RBM25: variants seen among roughly 807,000 people sequenced by gnomAD.
RBM25 encodes RNA-binding protein 25.
Under a neutral mutation model 120.7 loss-of-function variants are expected in RBM25, and 19 were observed. The observed-to-expected ratio is 0.16, with a 90% CI of 0.11 to 0.23. The LOEUF is 0.23. Ranked by LOEUF, RBM25 falls within the 10% of genes least tolerant of loss-of-function variation. The pLI, the probability that RBM25 is intolerant of heterozygous loss-of-function variation, is 1.00. For missense variants in RBM25, 605 were observed against 1,041.5 expected, an observed-to-expected ratio of 0.58 and a Z score of 5.77; for synonymous variants, 390 against 326.7, an observed-to-expected ratio of 1.19 and a Z score of -2.09.
At chr14:73,116,812 C>T (rs1347117484) in intron 18 of RBM25, among the ~76,000 whole-genome samples, 1 of 152,132 alleles carries the variant, frequency 6.6e-6, no homozygotes, top group Non-Finnish European at 1.5e-5. Flanking sequence ...ATTTAGACCA[C>T]TGTTTATGAT....
intron 2 of RBM25, among the ~76,000 whole-genome samples, chr14:73,074,357 C>G (rs1230766750): frequency 6.6e-6 from 1 of 152,076 alleles, no homozygotes; most frequent in East Asian, 1.9e-4. Context: ...GTAGCTGAGA[C>G]TATAGATGTG....
At chr14:73,068,126 G>A in intron 1 of RBM25, 1 of 766,460 alleles carries the variant, frequency 1.3e-6, no homozygotes, top group South Asian at 1.4e-5. Flanking sequence ...AGACAGAACT[G>A]GAAGGTTGGT....
rs181041963 is a variant in RBM25, at chr14:73,087,617, G to C, written c.383-384G>C. On this transcript the variant is annotated intron_variant, in intron 5 of 18. Transcript: ENST00000261973. Reference sequence around the variant, plus strand: ...TCACTGTGTTGGCCAGAATGGTCTCGATCTCCTGACCTCGTGATCCACCCG... The same window carrying C: ...TCACTGTGTTGGCCAGAATGGTCTCCATCTCCTGACCTCGTGATCCACCCG... 9.3e-4 allele frequency among the ~76,000 whole-genome samples: 140 copies of C among 150,506 alleles called. 1 individual carries two copies. The highest frequency in any genetic ancestry group is 1.1e-3 in the African/African-American group (43 of 40,946).
intron 2 of RBM25, among the ~76,000 whole-genome samples, chr14:73,074,991 CTT>C (rs34580918): frequency 1.7e-4 from 24 of 137,374 alleles, no homozygotes; most frequent in Admixed American, 2.2e-4. Context: ...CACTCCCTGC[CTT>C]TTTTTTTTTT....
chr14:73,101,709 T>A (rs2140453825), intron 9 of RBM25: 1 of 152,012 alleles, frequency 6.6e-6, no homozygotes, highest in South Asian at 2.1e-4. Context: ...ACAGGAAAAA[T>A]TAGTATTGGA....
chr14:73,068,340 G>A (rs752436807), intron 1 of RBM25: 204 of 720,050 alleles, frequency 2.8e-4, no homozygotes, highest in Middle Eastern at 1.5e-3. Flanking sequence ...GTGCCTTTTC[G>A]TCTTGGCAGT....
At chr14:73,094,801 CA>C (rs1566593271) in intron 6 of RBM25, among the ~76,000 whole-genome samples, 2 of 142,726 alleles carry the variant, frequency 1.4e-5, no homozygotes, top group African/African-American at 5.3e-5. Flanking sequence ...GCTGGGATTA[CA>C]GGAGCGAGGT....
At chr14:73,097,191 CTTTTCTTTTTT>C in intron 7 of RBM25, 91 bp downstream of exon 7, 3 of 374,074 alleles carry the variant, frequency 8.0e-6, no homozygotes, top group South Asian at 1.1e-4. Context: ...TTTCTTTTTT[CTTTTCTTTTTT>C]TTTTTTTTTT....
intron 2 of RBM25, among the ~76,000 whole-genome samples, chr14:73,073,712 A>G (rs911436812): frequency 1.3e-5 from 2 of 152,054 alleles, no homozygotes; most frequent in African/African-American, 4.8e-5. Flanking sequence ...AATCAGAACA[A>G]CTGTTTATGC....
chr14:73,103,948 T>TCTCTCTCTCACACACACA (rs1594928335), intron 10 of RBM25, among the ~76,000 whole-genome samples: 15 of 91,424 alleles, frequency 1.6e-4, no homozygotes, highest in Non-Finnish European at 2.9e-4. Context: ...TCTCTCTCTC[T>TCTCTCTCTCACACACACA]CACACACACA....
At chr14:73,112,057 C>A in intron 16 of RBM25, 95 bp from the exon 17 acceptor site, 1 of 1,211,028 alleles carries the variant, frequency 8.3e-7, no homozygotes. Context: ...TGTGAAATAA[C>A]ATTATATTTT....
At chr14:73,109,781 C>T (rs1012407778) in intron 14 of RBM25, among the ~76,000 whole-genome samples, 1 of 152,142 alleles carries the variant, frequency 6.6e-6, no homozygotes, top group African/African-American at 2.4e-5. Flanking sequence ...CGACAGAGCC[C>T]CTGACTCCTG....
intron 18 of RBM25, among the ~76,000 whole-genome samples, chr14:73,114,775 T>A (rs1354288707): frequency 6.6e-6 from 1 of 152,076 alleles, no homozygotes; most frequent in African/African-American, 2.4e-5. Flanking sequence ...GTGCCTATAG[T>A]CCCAGCTACT....
intron 10 of RBM25, among the ~76,000 whole-genome samples, chr14:73,103,992 ACACTCTCTCTCT>A (rs1244555488): frequency 8.8e-6 from 1 of 113,538 alleles, no homozygotes; most frequent in Admixed American, 1.0e-4. Flanking sequence ...ACACACACAC[ACACTCTCTCTCT>A]CTCTCTCTCT....
intron 18 of RBM25, among the ~76,000 whole-genome samples, chr14:73,117,215 T>A (rs999221719): frequency 4.7e-5 from 1 of 21,092 alleles, no homozygotes; most frequent in African/African-American, 1.7e-4. Context: ...CTTTTCTTTT[T>A]TTTTTTTTTT....
At chr14:73,084,848 C>A (rs971222953) in intron 5 of RBM25, among the ~76,000 whole-genome samples, 2 of 150,636 alleles carry the variant, frequency 1.3e-5, no homozygotes, top group African/African-American at 4.9e-5. Flanking sequence ...CTGCTCCTGG[C>A]CGCTATTTTT....
intron 6 of RBM25, among the ~76,000 whole-genome samples, chr14:73,096,354 G>A (rs774034251): frequency 6.6e-5 from 10 of 152,124 alleles, no homozygotes; most frequent in Non-Finnish European, 1.3e-4. Flanking sequence ...TTCTATAAGT[G>A]GTATGTATTC....
chr14:73,119,469 G>C (rs555405480), intron 18 of RBM25, among the ~76,000 whole-genome samples: 3 of 152,138 alleles, frequency 2.0e-5, no homozygotes, highest in Non-Finnish European at 4.4e-5. Context: ...GTTTCACCAT[G>C]TTAGTCAGGA....
intron 3 of RBM25, among the ~76,000 whole-genome samples, chr14:73,077,012 C>A (rs886697777): frequency 6.6e-6 from 1 of 152,144 alleles, no homozygotes; most frequent in Non-Finnish European, 1.5e-5. Context: ...ACCCAGGAGG[C>A]GGAGGTTGCA....
Sources: gnomAD v4.1 joint callset for allele counts (sites outside exome capture counted in the v4.1 genomes callset) on GRCh38, gnomAD v4.1.1 for gene constraint, MANE v1.5 for transcripts, NCBI Gene and HGNC (gene_info 2026-07-23, HGNC 2026-07-21) for gene names.